The following IQSEC2 variants were observed in gnomAD, a reference collection of about 807,000 sequenced individuals.
The protein encoded by IQSEC2 is IQ motif and Sec7 domain ArfGEF 2, also known as IQ motif and SEC7 domain-containing protein 2.
In IQSEC2, 6 loss-of-function variants were observed where a neutral mutation model predicts 74.6. The ratio of observed to expected loss-of-function variants is 0.08; its 90% CI spans 0.04 to 0.16. IQSEC2 has a LOEUF of 0.16. Among genes scored for constraint, IQSEC2 ranks in the 10% least tolerant of loss-of-function variants. The pLI, the probability that IQSEC2 is intolerant of heterozygous loss-of-function variation, is 1.00. For missense variants in IQSEC2, 734 were observed against 1,306.2 expected (o/e 0.56, Z 6.75); for synonymous variants, 494 against 544.5 (o/e 0.91, Z 1.29).
intron 1 of IQSEC2, among the ~76,000 whole-genome samples, chrX:53,310,371 G>A (rs140231156): frequency 9.4e-6 from 1 of 106,107 alleles, no homozygotes; most frequent in Non-Finnish European, 2.0e-5. Context: ...CTGATAGAAA[G>A]AGACCCTGTC....
intron 1 of IQSEC2, among the ~76,000 whole-genome samples, chrX:53,307,597 T>C (rs2075277446): frequency 1.8e-5 from 2 of 109,425 alleles, no homozygotes; most frequent in South Asian, 8.0e-4. Context: ...GGGAAGGGAA[T>C]GATCAAAGAA....
chrX:53,259,982 A>G (rs782126705), intron 2 of IQSEC2, among the ~76,000 whole-genome samples: 2 of 112,043 alleles, frequency 1.8e-5, no homozygotes, highest in African/African-American at 6.5e-5. Context: ...GAACATTCTC[A>G]GGGAGGTGAT....
At chrX:53,314,337 C>T (rs782013513) in intron 1 of IQSEC2, among the ~76,000 whole-genome samples, 1 of 112,329 alleles carries the variant, frequency 8.9e-6, no homozygotes, top group Non-Finnish European at 1.9e-5. Context: ...CCCACAGCAC[C>T]TAACACAGAA....
chrX:53,268,279 T>G (rs1556868082), intron 2 of IQSEC2, among the ~76,000 whole-genome samples: 3 of 110,662 alleles, frequency 2.7e-5, no homozygotes, highest in Non-Finnish European at 3.8e-5. Flanking sequence ...GACAGGGAAG[T>G]GAAGGGAAAG....
At chrX:53,302,511 G>A (rs2075220816) in intron 1 of IQSEC2, among the ~76,000 whole-genome samples, 1 of 112,014 alleles carries the variant, frequency 8.9e-6, no homozygotes, top group South Asian at 3.7e-4. Flanking sequence ...GAGGCAGGAG[G>A]ATCACTTGAG....
intron 2 of IQSEC2, among the ~76,000 whole-genome samples, chrX:53,267,324 T>G (rs1300757823): frequency 8.9e-6 from 1 of 111,987 alleles, no homozygotes; most frequent in African/African-American, 3.2e-5. Flanking sequence ...TCAACTCCCT[T>G]TCTAACCCTG....
At chrX:53,265,446 C>T (rs187122269) in intron 2 of IQSEC2, among the ~76,000 whole-genome samples, 66 of 111,492 alleles carry the variant, frequency 5.9e-4, no homozygotes, top group Middle Eastern at 4.6e-3. Context: ...TCTTGCTAAT[C>T]TTCATGACAA....
intron 1 of IQSEC2, among the ~76,000 whole-genome samples, chrX:53,311,286 C>T (rs190996306): frequency 1.8e-5 from 2 of 108,976 alleles, no homozygotes; most frequent in Non-Finnish European, 3.8e-5. Flanking sequence ...AAATGAATAG[C>T]TTCAGTTGGA....
chrX:53,247,304 G>A (rs782183420), intron 7 of IQSEC2, among the ~76,000 whole-genome samples, 169 bp from the exon 8 acceptor site: 1 of 111,986 alleles, frequency 8.9e-6, no homozygotes, highest in Middle Eastern at 4.6e-3. Context: ...AATCACAATC[G>A]CTACCTTTTA....
intron 9 of IQSEC2, among the ~76,000 whole-genome samples, chrX:53,242,319 A>G (rs2074236439): frequency 9.4e-6 from 1 of 106,406 alleles, no homozygotes; most frequent in African/African-American, 3.5e-5. Flanking sequence ...CTGCAATCCC[A>G]GGTACTCAGG....
chrX:53,237,808 G>A (rs2074158346), intron 12 of IQSEC2: 2 of 266,327 alleles, frequency 7.5e-6, no homozygotes, highest in Non-Finnish European at 1.4e-5. Flanking sequence ...GGCTTGGCAG[G>A]TTAGGCAATT....
intron 2 of IQSEC2, among the ~76,000 whole-genome samples, chrX:53,270,895 C>T (rs1023922807): frequency 3.6e-5 from 4 of 111,162 alleles, no homozygotes; most frequent in Non-Finnish European, 7.5e-5. Context: ...TCCATCTCCT[C>T]GGCTCTATGC....
intron 1 of IQSEC2, among the ~76,000 whole-genome samples, chrX:53,319,716 A>G (rs2075410027): frequency 8.9e-6 from 1 of 111,897 alleles, no homozygotes; most frequent in African/African-American, 3.3e-5. Flanking sequence ...GAACCGATCC[A>G]GCAGAGGGGC....
At chrX:53,271,129 A>C (rs1303310031) in intron 2 of IQSEC2, among the ~76,000 whole-genome samples, 1 of 111,403 alleles carries the variant, frequency 9.0e-6, no homozygotes, top group Non-Finnish European at 1.9e-5. Context: ...CCAATGTCTG[A>C]TTTCACCTTG....
chrX:53,289,558 C>T (rs935666534), intron 2 of IQSEC2, among the ~76,000 whole-genome samples: 2 of 111,649 alleles, frequency 1.8e-5, no homozygotes, highest in Non-Finnish European at 1.9e-5. Flanking sequence ...CCTGCTCAGA[C>T]GCTGCCTGCT....
At chrX:53,319,538 C>T (rs2075408782) in intron 1 of IQSEC2, among the ~76,000 whole-genome samples, 1 of 111,483 alleles carries the variant, frequency 9.0e-6, no homozygotes. Context: ...GCCTTTAGGG[C>T]AGCCTTGGGA....
chrX:53,243,850 T>C (rs1396991264), intron 8 of IQSEC2, among the ~76,000 whole-genome samples: 3 of 112,454 alleles, frequency 2.7e-5, no homozygotes, highest in African/African-American at 9.7e-5. Flanking sequence ...AACCTAAATG[T>C]TTGTACCCAG....
rs1254407104 is a variant in IQSEC2 at position 53,250,899 on chromosome X, T to C, written c.1677A>G (p.Pro559=). 4 of 1,209,890 alleles carry C rather than the reference T, an allele frequency of 3.3e-6. No homozygotes were observed. The highest frequency in any genetic ancestry group is 3.0e-5 in the East Asian group (1 of 33,796). ...GGCTACCGTCTTCCCGGGTTCCTGA[T>C]GGCACTGGTGGAGGAACTGGCGGGA... The part of the protein sequence containing the change: ...APLPPVPPPV[P]SGTREDGSRE... Residue 559 remains proline (P), a synonymous_variant, in exon 5 of 15, where the codon CCA becomes CCG. Transcript: ENST00000642864.
chrX:53,292,288 CAAGCTTG>C (rs1321894146), intron 1 of IQSEC2, among the ~76,000 whole-genome samples: 2 of 111,820 alleles, frequency 1.8e-5, no homozygotes, highest in Non-Finnish European at 3.8e-5. Context: ...GGGCAAAGCC[CAAGCTTG>C]AAACACAGGA....
Sources: allele counts gnomAD v4.1 joint callset (sites outside exome capture counted in the v4.1 genomes callset), GRCh38; gene constraint gnomAD v4.1.1; transcripts MANE v1.5; gene names NCBI Gene and HGNC (gene_info 2026-07-23, HGNC 2026-07-21).